Variants in ZBTB16 observed in about 807,000 individuals in gnomAD.
The protein encoded by ZBTB16 is zinc finger and BTB domain-containing protein 16.
Under a neutral mutation model 56.8 loss-of-function variants are expected in ZBTB16, and 8 were observed. The ratio of observed to expected loss-of-function variants is 0.14; its 90% CI spans 0.08 to 0.25. The LOEUF (loss-of-function observed/expected upper bound fraction) is 0.25, where lower values mean the gene tolerates loss of function less well. ZBTB16 is among the 10% of genes least tolerant of loss of function. ZBTB16 has a pLI of 1.00. For synonymous variants in ZBTB16, 363 were observed against 368.5 expected, an observed-to-expected ratio of 0.98 and a Z score of 0.17; for missense variants, 625 against 903.0, an observed-to-expected ratio of 0.69 and a Z score of 3.95.
chr11:114,233,073 GCGCGCGCGCACACACACA>G (rs1233335690), intron 4 of ZBTB16, among the ~76,000 whole-genome samples: 1 of 74,558 alleles, frequency 1.3e-5, no homozygotes, highest in African/African-American at 5.4e-5. Flanking sequence ...GCATGCGCGC[GCGCGCGCGCACACACACA>G]CACACACACA....
intron 2 of ZBTB16, among the ~76,000 whole-genome samples, chr11:114,126,674 G>A (rs1157337032): frequency 5.3e-5 from 8 of 152,188 alleles, no homozygotes; most frequent in Admixed American, 5.2e-4. Flanking sequence ...ACTGTCTCTT[G>A]AGCGAGGTTC....
intron 4 of ZBTB16, among the ~76,000 whole-genome samples, chr11:114,232,782 C>T (rs962762767): frequency 5.9e-5 from 9 of 152,182 alleles, no homozygotes; most frequent in South Asian, 2.1e-4. Context: ...TCCGGGCCTG[C>T]GCACTGGCCA....
At chr11:114,070,310 T>G (rs940578443) in intron 2 of ZBTB16, among the ~76,000 whole-genome samples, 1 of 151,292 alleles carries the variant, frequency 6.6e-6, no homozygotes, top group African/African-American at 2.4e-5. Flanking sequence ...GGGTTTCACC[T>G]TGTTAGCCAG....
Position 114,247,401 on chromosome 11 carries a change from G to A in ZBTB16, c.1792+36G>A, listed in dbSNP as rs766915871. 2.7e-5 allele frequency: 43 copies of A among 1,613,736 alleles called. No individual in the cohort carries two copies. The South Asian group carries it at 4.5e-4, about 17-fold the overall frequency. On this transcript the variant is annotated intron_variant, in intron 6 of 6. Transcript: ENST00000335953. ...CCAGGGAGGGGCCTGAGCTGGCTCT[G>A]GGACCTGGGCGGAGGTGGGAAGCAG...
intron 3 of ZBTB16, among the ~76,000 whole-genome samples, chr11:114,158,751 C>T (rs1942493816): frequency 6.6e-6 from 1 of 152,144 alleles, no homozygotes; most frequent in Non-Finnish European, 1.5e-5. Flanking sequence ...TGAGGCTCAC[C>T]TTGAATACAT....
chr11:114,142,788 A>G (rs1941990774), intron 2 of ZBTB16, among the ~76,000 whole-genome samples: 1 of 152,008 alleles, frequency 6.6e-6, no homozygotes, highest in South Asian at 2.1e-4. Flanking sequence ...ATTGTGGAGG[A>G]GAAAGCTTTT....
chr11:114,233,912 T>C (rs941554323), intron 4 of ZBTB16, among the ~76,000 whole-genome samples: 1 of 152,236 alleles, frequency 6.6e-6, no homozygotes, highest in African/African-American at 2.4e-5. Context: ...TAGCTGCTGC[T>C]GCCTGAGGAC....
At chr11:114,083,737 G>A (rs973547004) in intron 2 of ZBTB16, among the ~76,000 whole-genome samples, 3 of 152,122 alleles carry the variant, frequency 2.0e-5, no homozygotes, top group Non-Finnish European at 2.9e-5. Flanking sequence ...GCCAGGAGAG[G>A]GAAGTAACTG....
chr11:114,140,531 A>T (rs749557228), intron 2 of ZBTB16, among the ~76,000 whole-genome samples: 5 of 152,352 alleles, frequency 3.3e-5, no homozygotes, highest in East Asian at 1.9e-4. Flanking sequence ...TTGAGTTGGT[A>T]GCCAGTGCAG....
rs546113403 is a variant in ZBTB16, at chr11:114,076,460, A to G, written c.1268+11892A>G. Among the ~76,000 whole-genome samples the G allele has an allele frequency of 6.6e-5, 10 of 152,306 alleles. No individual in the cohort carries two copies. The South Asian group carries it at 2.1e-3, about 32-fold the overall frequency. On this transcript the variant is annotated intron_variant, in intron 2 of 6. Transcript: ENST00000335953. ...ACTGTGTACGTCTCAAATTAAAAGCAGCTCTTGCCCCGCTTAGAGCCGGTG... is the reference window on the plus strand; with the variant it reads ...ACTGTGTACGTCTCAAATTAAAAGCGGCTCTTGCCCCGCTTAGAGCCGGTG...
intron 2 of ZBTB16, among the ~76,000 whole-genome samples, chr11:114,126,692 C>T (rs1402951407): frequency 6.6e-6 from 1 of 152,132 alleles, no homozygotes; most frequent in Admixed American, 6.5e-5. Flanking sequence ...TTCTGAAAGT[C>T]TATTCCTTGG....
chr11:114,222,188 C>G (rs1314153223), intron 4 of ZBTB16, among the ~76,000 whole-genome samples: 5 of 152,148 alleles, frequency 3.3e-5, no homozygotes, highest in Non-Finnish European at 5.9e-5. Context: ...TTAGAAAGTT[C>G]TTCAAATTCA....
At chr11:114,127,486 C>T (rs190634171) in intron 2 of ZBTB16, among the ~76,000 whole-genome samples, 1 of 152,286 alleles carries the variant, frequency 6.6e-6, no homozygotes, top group Non-Finnish European at 1.5e-5. Context: ...TCACACTCCC[C>T]ACCCCAGTAC....
intron 4 of ZBTB16, among the ~76,000 whole-genome samples, chr11:114,227,266 G>A (rs1311042420): frequency 6.6e-6 from 1 of 152,132 alleles, no homozygotes; most frequent in Non-Finnish European, 1.5e-5. Flanking sequence ...CCCCACCTGT[G>A]TGCACCATGC....
chr11:114,221,609 T>C (rs1944233562), intron 4 of ZBTB16, among the ~76,000 whole-genome samples: 1 of 152,078 alleles, frequency 6.6e-6, no homozygotes, highest in Admixed American at 6.6e-5. Flanking sequence ...CACTGTAAGG[T>C]GCTTCAGAAG....
chr11:114,066,539 C>T (rs1939125238), intron 2 of ZBTB16, among the ~76,000 whole-genome samples: 1 of 152,128 alleles, frequency 6.6e-6, no homozygotes, highest in African/African-American at 2.4e-5. Context: ...TTCTGGCTCT[C>T]ATCAGGTCCT....
chr11:114,175,338 A>G (rs1943080836), intron 3 of ZBTB16, among the ~76,000 whole-genome samples: 1 of 152,230 alleles, frequency 6.6e-6, no homozygotes, highest in South Asian at 2.1e-4. Context: ...CAATAAAAAT[A>G]CTAATAACAT....
At chr11:114,225,884 A>G (rs1591796520) in intron 4 of ZBTB16, among the ~76,000 whole-genome samples, 1 of 152,214 alleles carries the variant, frequency 6.6e-6, no homozygotes, top group African/African-American at 2.4e-5. Context: ...TTCATATATT[A>G]TCTCTAATCT....
chr11:114,174,414 C>T (rs770627460), intron 3 of ZBTB16, among the ~76,000 whole-genome samples: 2 of 151,848 alleles, frequency 1.3e-5, no homozygotes, highest in Non-Finnish European at 2.9e-5. Flanking sequence ...GGCATGGTGT[C>T]TCCTGCCTGT....
Sources: allele counts gnomAD v4.1 joint callset (sites outside exome capture counted in the v4.1 genomes callset), GRCh38; gene constraint gnomAD v4.1.1; transcripts MANE v1.5; gene names NCBI Gene and HGNC (gene_info 2026-07-23, HGNC 2026-07-21).